MLXIPL: variants seen among roughly 807,000 people sequenced by gnomAD.
MLXIPL encodes the protein MLX interacting protein like, also known as carbohydrate-responsive element-binding protein.
A neutral mutation model predicts 81.5 loss-of-function variants in MLXIPL; 49 were observed. The observed-to-expected ratio is 0.60, with a 90% CI of 0.48 to 0.76. MLXIPL has a LOEUF of 0.76. Ranked by LOEUF, MLXIPL falls within the 30% of genes least tolerant of loss-of-function variation. MLXIPL has a pLI of 0.00. For missense variants in MLXIPL, 1,053 were observed against 1,167.0 expected (o/e 0.90, Z 1.42); for synonymous variants, 466 against 485.5 (o/e 0.96, Z 0.53).
At chr7:73,636,148 G>A in the MLXIPL span, among the ~76,000 whole-genome samples, 1 of 152,156 alleles carries the variant, frequency 6.6e-6, no homozygotes, top group Non-Finnish European at 1.5e-5. Flanking sequence ...CGTGGCTCAC[G>A]CCTGCAATCC....
the MLXIPL span, among the ~76,000 whole-genome samples, chr7:73,633,415 T>A: frequency 1.3e-5 from 2 of 149,904 alleles, no homozygotes; most frequent in Non-Finnish European, 3.0e-5. Context: ...CCAGATCACA[T>A]CTCACTGCAG....
intron 2 of MLXIPL, among the ~76,000 whole-genome samples, chr7:73,612,240 G>A (rs1407224447): frequency 6.6e-6 from 1 of 151,304 alleles, no homozygotes; most frequent in Non-Finnish European, 1.5e-5. Context: ...CCGAGGTGGG[G>A]GAATTGCTTG....
In MLXIPL at chr7:73,607,342, A is replaced by G. The variant is rs1357006703; in HGVS notation, c.562T>C (p.Tyr188His). Residue 188 changes from tyrosine (Y) to histidine (H), a missense_variant, in exon 4 of 17, where the codon TAC becomes CAC. By Grantham distance (83) the Tyr-to-His change is moderately conservative (BLOSUM62 2). Around this residue, in one of 3 missense-constraint regions of MLXIPL, gnomAD observed 823 missense variants for 933.0 expected, o/e 0.88. Transcript: ENST00000313375. ...CCTCCCCCACTGACCCGCTTCTTGT[A>G]GTAGATGCGCCACTTGTGGTATTCC... ...MREYHKWRIY[Y>H]KKRLRKPSRE... is the part of the protein sequence containing the mutation. 1.9e-6 allele frequency: 3 copies of G among 1,565,148 alleles called. No individual in the cohort carries two copies. The highest frequency in any genetic ancestry group is 1.2e-5 in the South Asian group (1 of 85,140).
At chr7:73,607,815 A>T (rs1795423323) in intron 2 of MLXIPL, 143 bp from the exon 3 acceptor site, 2 of 645,094 alleles carry the variant, frequency 3.1e-6, no homozygotes, top group Non-Finnish European at 5.5e-6. Context: ...CTCCTCCAGG[A>T]AGTCTTCTCG....
At chr7:73,642,305 A>C in the MLXIPL span, among the ~76,000 whole-genome samples, 1 of 152,086 alleles carries the variant, frequency 6.6e-6, no homozygotes, top group Non-Finnish European at 1.5e-5. Context: ...CAGAAGCTCC[A>C]TGAAGCCCAA....
chr7:73,597,806 C>A, intron 8 of MLXIPL, 93 bp from the exon 9 acceptor site: 1 of 949,818 alleles, frequency 1.1e-6, no homozygotes, highest in Non-Finnish European at 1.4e-6. Context: ...TTGCCCTGGC[C>A]AAACTCTAGA....
intron 8 of MLXIPL, among the ~76,000 whole-genome samples, chr7:73,599,014 G>T (rs1459877262): frequency 6.6e-6 from 1 of 151,282 alleles, no homozygotes; most frequent in Non-Finnish European, 1.5e-5. Flanking sequence ...GTTACAGTGA[G>T]CCGAGATCAT....
At position 73,605,775 on chromosome 7, in the gene MLXIPL, G is replaced by C; in HGVS notation, c.821-7C>G. 6.2e-7 allele frequency: 1 copy of C among 1,612,676 alleles called. No homozygotes were observed. The highest frequency in any genetic ancestry group is 8.5e-7 in the Non-Finnish European group (1 of 1,179,426). ...TCAGCATTGCCGACGTAGGCTGGAGGCAGCAGTGGCGACATCAGCAGCAGC... is the reference window on the plus strand; with the variant it reads ...TCAGCATTGCCGACGTAGGCTGGAGCCAGCAGTGGCGACATCAGCAGCAGC... On this transcript the variant is annotated splice_region_variant and splice_polypyrimidine_tract_variant and intron_variant, in intron 6 of 16. Coordinates refer to ENST00000313375, the MANE Select transcript of MLXIPL (RefSeq NM_032951.3).
At chr7:73,594,639 C>G (rs1214373192) in intron 15 of MLXIPL, among the ~76,000 whole-genome samples, 3 of 152,072 alleles carry the variant, frequency 2.0e-5, no homozygotes, top group Non-Finnish European at 4.4e-5. Context: ...ACTTCTGCCT[C>G]CCAGGTTCAA....
intron 5 of MLXIPL, chr7:73,606,411 G>A (rs1442164409): frequency 2.1e-6 from 1 of 470,292 alleles, no homozygotes; most frequent in South Asian, 3.3e-5. Flanking sequence ...TTTTTTGTTT[G>A]TTTTCTTTTT....
At chr7:73,647,342 G>A in the MLXIPL span, among the ~76,000 whole-genome samples, 10 of 152,272 alleles carry the variant, frequency 6.6e-5, no homozygotes, top group South Asian at 1.9e-3. Context: ...ACCTGGACAG[G>A]GTTTCTCCAC....
At position 73,597,306 on chromosome 7, in the gene MLXIPL, G is replaced by A. The variant is rs782020793; in HGVS notation, c.1479C>T (p.Gly493=). The change falls in exon 9 of 17, where the codon GGC becomes GGT. Residue 493 remains glycine (G), a synonymous_variant. Coordinates refer to ENST00000313375, the MANE Select transcript of MLXIPL (RefSeq NM_032951.3). The stretch of plus-strand genomic sequence containing the variant: ...CCCTAGGGGATGGGGCGGGGGGCTT[G>A]CCTCTGGGCATGGAGAAGCAAGGCC... ...AFGPCFSMPR[G]KPPAPSPRGQ... is the part of the protein sequence containing the mutation. The A allele has an allele frequency of 6.4e-6, 10 of 1,564,752 alleles. No homozygotes were observed. The East Asian group carries it at 1.1e-4, about 18-fold the overall frequency.
At chr7:73,633,273 G>A in the MLXIPL span, among the ~76,000 whole-genome samples, 62 of 151,470 alleles carry the variant, frequency 4.1e-4, no homozygotes, top group East Asian at 0.011. Context: ...TAGTAGAGAC[G>A]GGGTTTCACC....
At position 73,596,805 on chromosome 7, in the gene MLXIPL, G is replaced by T. The variant is rs1409498998; in HGVS notation, c.1672-16C>A. 2 of 1,607,716 alleles carry T rather than the reference G, an allele frequency of 1.2e-6. No homozygotes were observed. The highest frequency in any genetic ancestry group is 1.7e-5 in the Admixed American group (1 of 58,958). On this transcript the variant is annotated splice_polypyrimidine_tract_variant and intron_variant, in intron 10 of 16. Coordinates refer to ENST00000313375, the MANE Select transcript of MLXIPL (RefSeq NM_032951.3). The surrounding 1 kb of genome is among the most constrained non-coding windows in gnomAD (Gnocchi z 4.7). Reference sequence around the variant, plus strand: ...CTGTCTCCTGCTGGGGTGGAGAAGGGCGGAGAGTCGGGTTGAAGGCCGTGG... The same window carrying T: ...CTGTCTCCTGCTGGGGTGGAGAAGGTCGGAGAGTCGGGTTGAAGGCCGTGG...
chr7:73,596,014 A>G lies in MLXIPL; in HGVS notation c.2059-45T>C. ...GGCTCAGGCAGGTGCTAGAGGCTGT[A>G]CCCTGGGACCCACTGAGGCACTGGG... On this transcript the variant is annotated intron_variant, in intron 13 of 16. Transcript: ENST00000313375. The surrounding 1 kb of genome is among the most constrained non-coding windows in gnomAD (Gnocchi z 4.7). The G allele has an allele frequency of 6.2e-7, 1 of 1,608,800 alleles. No individual in the cohort carries two copies.
intron 7 of MLXIPL, among the ~76,000 whole-genome samples, chr7:73,602,069 CACCT>C (rs1394775796): frequency 0.15 from 18,517 of 126,654 alleles, 1,681 homozygotes; most frequent in Non-Finnish European, 0.17. Context: ...TCTTGCTGTC[CACCT>C]GCCTGCCTGC....
intron 2 of MLXIPL, among the ~76,000 whole-genome samples, chr7:73,615,188 G>T (rs1359570913): frequency 6.6e-6 from 1 of 152,094 alleles, no homozygotes; most frequent in Non-Finnish European, 1.5e-5. Context: ...GCAGAGACGG[G>T]GTGGAGGAAC....
chr7:73,643,513 CAAAAA>C, the MLXIPL span, among the ~76,000 whole-genome samples: 1 of 62,096 alleles, frequency 1.6e-5, no homozygotes. Flanking sequence ...GACTCCGTCT[CAAAAA>C]AAAAAAAAAA....
Position 73,597,465 on chromosome 7 carries a change from G to C in MLXIPL, c.1320C>G (p.Val440=). 1 of 1,420,836 alleles carries C rather than the reference G, an allele frequency of 7.0e-7. No homozygotes were observed. Among genetic ancestry groups the C allele is most frequent in the Non-Finnish European group, 9.2e-7 (1 of 1,083,678 alleles). 88.0% of individuals were successfully genotyped at this position (1,420,836 alleles called of 1,614,324 possible). A position where few individuals can be genotyped will look rare whatever the true frequency, so the allele number is the denominator to read the frequency against. The change falls in exon 9 of 17, where the codon GTC becomes GTG. Residue 440 remains valine (V), a synonymous_variant. Coordinates refer to ENST00000313375, the MANE Select transcript of MLXIPL (RefSeq NM_032951.3). ...LFSPRFPFPT[V]PPAPGVSPLP... is the part of the protein sequence containing the mutation. Reference sequence around the variant, plus strand: ...GCGGAGACACTCCTGGGGCAGGAGGGACGGTGGGGAAGGGAAACCTGGGAG... The same window carrying C: ...GCGGAGACACTCCTGGGGCAGGAGGCACGGTGGGGAAGGGAAACCTGGGAG...
Sources: allele counts gnomAD v4.1 joint callset (sites outside exome capture counted in the v4.1 genomes callset), GRCh38; gene constraint gnomAD v4.1.1; regional missense constraint gnomAD v4.1.1; non-coding constraint Gnocchi (gnomAD v3.1); transcripts MANE v1.5; gene names NCBI Gene and HGNC (gene_info 2026-07-23, HGNC 2026-07-21).